Variants in ARL14EPL observed in about 807,000 individuals in gnomAD.
The protein encoded by ARL14EPL is ARF like GTPase 14 effector protein like.
In ARL14EPL, 17 loss-of-function variants were observed where a neutral mutation model predicts 15.9. That is an observed-to-expected ratio of 1.07 (90% CI 0.73 to 1.60). The LOEUF (loss-of-function observed/expected upper bound fraction) is 1.60, where lower values mean the gene tolerates loss of function less well. Ranked by LOEUF, ARL14EPL falls within the 40% of genes most tolerant of loss-of-function variation. The pLI is 0.00. For synonymous variants in ARL14EPL, 78 were observed against 63.8 expected (o/e 1.22, Z -1.06); for missense variants, 214 against 185.9 (o/e 1.15, Z -0.88).
At chr5:116,052,434 C>A in intron 2 of ARL14EPL, 1 of 612,514 alleles carries the variant, frequency 1.6e-6, no homozygotes, top group Non-Finnish European at 2.9e-6. Flanking sequence ...TCATCTAATC[C>A]TTATCACACC....
chr5:116,056,030 C>G (rs1464405954), intron 3 of ARL14EPL, among the ~76,000 whole-genome samples: 1 of 152,286 alleles, frequency 6.6e-6, no homozygotes, highest in South Asian at 2.1e-4. Context: ...GCCACATTGT[C>G]TTAATCCAGT....
intron 1 of ARL14EPL, among the ~76,000 whole-genome samples, chr5:116,045,862 A>G (rs1749258238): frequency 6.6e-6 from 1 of 151,986 alleles, no homozygotes; most frequent in Non-Finnish European, 1.5e-5. Flanking sequence ...GAGCATTAAC[A>G]TTGATTATCT....
chr5:116,049,722 G>A (rs556403832), intron 1 of ARL14EPL, among the ~76,000 whole-genome samples: 29 of 152,288 alleles, frequency 1.9e-4, no homozygotes, highest in African/African-American at 7.0e-4. Context: ...GACCATAAAA[G>A]AGAGATAAGT....
At position 116,045,461 on chromosome 5, in the gene ARL14EPL, A is replaced by T. The variant is rs143927627; in HGVS notation, c.-9-5996A>T. ...AAGGGGTTGGTTTTTCACAAACCTT[A>T]AAATTGCAAGAAATAATTTGAATGT... On this transcript the variant is annotated intron_variant, in intron 1 of 3. Coordinates refer to ENST00000686077, the MANE Select transcript of ARL14EPL (RefSeq NM_001195581.2). Among the ~76,000 whole-genome samples the T allele has an allele frequency of 9.8e-4, 150 of 152,318 alleles. 2 individuals carry two copies. The East Asian group carries it at 0.027, about 28-fold the overall frequency.
intron 2 of ARL14EPL, 121 bp from the exon 3 acceptor site, chr5:116,053,893 G>T: frequency 2.6e-6 from 2 of 779,938 alleles, no homozygotes; most frequent in Non-Finnish European, 3.8e-6. Context: ...TTATGTCTTT[G>T]TGTAAAACAT....
At position 116,034,180 on chromosome 5, in the gene ARL14EPL, A is replaced by T. The variant is rs547768437; in HGVS notation, c.-10+1675A>T. Among the ~76,000 whole-genome samples, 3 of 152,138 alleles carry T rather than the reference A, an allele frequency of 2.0e-5. No individual in the cohort carries two copies. The South Asian group carries it at 6.2e-4, about 31-fold the overall frequency. ...AAATGATCACCTTGTCTTTGAAAAT[A>T]GTTCTTTAGTGTTAGCATGTCTTAC... On this transcript the variant is annotated intron_variant, in intron 1 of 3. Transcript: ENST00000686077.
chr5:116,049,201 T>G (rs573909249), intron 1 of ARL14EPL, among the ~76,000 whole-genome samples: 1 of 152,320 alleles, frequency 6.6e-6, no homozygotes, highest in African/African-American at 2.4e-5. Flanking sequence ...TACCTACTTT[T>G]CCTACCCTAG....
chr5:116,054,969 TAGG>T (rs796265959), intron 3 of ARL14EPL, among the ~76,000 whole-genome samples: 4 of 151,840 alleles, frequency 2.6e-5, no homozygotes, highest in African/African-American at 4.8e-5. Context: ...CACCATAAAG[TAGG>T]AGAAGTTATT....
chr5:116,047,801 A>G (rs1749302003), intron 1 of ARL14EPL, among the ~76,000 whole-genome samples: 1 of 152,168 alleles, frequency 6.6e-6, no homozygotes, highest in Non-Finnish European at 1.5e-5. Flanking sequence ...TTAGAGTAAT[A>G]TTTTAAGGTT....
At chr5:116,038,975 G>T (rs775392212) in intron 1 of ARL14EPL, among the ~76,000 whole-genome samples, 1 of 152,142 alleles carries the variant, frequency 6.6e-6, no homozygotes, top group Non-Finnish European at 1.5e-5. Flanking sequence ...GGGGCCCAGG[G>T]GTGGCGGAGG....
At chr5:116,034,407 G>C (rs531397775) in intron 1 of ARL14EPL, among the ~76,000 whole-genome samples, 7 of 152,086 alleles carry the variant, frequency 4.6e-5, no homozygotes, top group Non-Finnish European at 7.4e-5. Flanking sequence ...AGCACTAGAG[G>C]GTGGCCTCAG....
chr5:116,053,644 C>T (rs574186427), intron 2 of ARL14EPL, among the ~76,000 whole-genome samples: 12 of 152,220 alleles, frequency 7.9e-5, no homozygotes, highest in African/African-American at 2.6e-4. Context: ...AGCTAACAGC[C>T]GAGGAAGGGC....
rs1247426933 is a variant in ARL14EPL, at chr5:116,052,081, G to C, written c.96+520G>C. The C allele has an allele frequency of 3.7e-6, 6 of 1,613,166 alleles. No individual in the cohort carries two copies. In the African/African-American group the frequency reaches 6.7e-5, roughly 18 times the overall value. On this transcript the variant is annotated intron_variant, in intron 2 of 3. Transcript: ENST00000686077. ...TCAGTCTCTCAGAGACCACAGCTGG[G>C]GTTATAAGTTTATAGTTGGGAACTT...
intron 1 of ARL14EPL, 39 bp downstream of exon 1, chr5:116,032,544 T>G (rs1484371953): frequency 6.6e-6 from 1 of 152,210 alleles, no homozygotes; most frequent in Admixed American, 6.5e-5. Flanking sequence ...AAGAGAAAGA[T>G]ACCATATTTG....
intron 1 of ARL14EPL, among the ~76,000 whole-genome samples, chr5:116,034,438 A>T (rs1487588345): frequency 6.6e-6 from 1 of 152,188 alleles, no homozygotes; most frequent in African/African-American, 2.4e-5. Context: ...CTCCTGTGAG[A>T]GGGCGGCAGG....
chr5:116,058,789 C>T lies in ARL14EPL; in HGVS notation c.301C>T (p.Leu101=), dbSNP rs780959596. ...TAATGACGCTGATCTGTGTGATTGT[C>T]TAGAGAAGAACTGCCTGGGCTGCTT... ...ICNDADLCDC[L]EKNCLGCFYP... is the part of the protein sequence containing the mutation. The change falls in exon 4 of 4, where the codon CTA becomes TTA. Residue 101 remains leucine (L), a synonymous_variant. Coordinates refer to ENST00000686077, the MANE Select transcript of ARL14EPL (RefSeq NM_001195581.2). 2.0e-5 allele frequency: 30 copies of T among 1,535,810 alleles called. No homozygotes were observed. Among genetic ancestry groups the T allele is most frequent in the Non-Finnish European group, 2.5e-5 (29 of 1,146,916 alleles).
chr5:116,052,358 T>G, intron 2 of ARL14EPL: 1 of 825,376 alleles, frequency 1.2e-6, no homozygotes, highest in South Asian at 1.4e-5. Flanking sequence ...CAAATGTTTT[T>G]ATTTAATGAA....
At chr5:116,058,349 T>C (rs1347769044) in intron 3 of ARL14EPL, among the ~76,000 whole-genome samples, 4 of 152,200 alleles carry the variant, frequency 2.6e-5, no homozygotes, top group South Asian at 4.1e-4. Context: ...ATGGTAATAT[T>C]TTAAAGAAAA....
intron 2 of ARL14EPL, chr5:116,052,427 T>C (rs1339210142): frequency 1.3e-5 from 8 of 622,078 alleles, no homozygotes; most frequent in Non-Finnish European, 2.0e-5. Flanking sequence ...TATTAACTCA[T>C]CTAATCCTTA....
Sources: allele counts gnomAD v4.1 joint callset (sites outside exome capture counted in the v4.1 genomes callset), GRCh38; gene constraint gnomAD v4.1.1; transcripts MANE v1.5; gene names NCBI Gene and HGNC (gene_info 2026-07-23, HGNC 2026-07-21).